PIGN: variants seen among roughly 807,000 people sequenced by gnomAD.
PIGN encodes GPI ethanolamine phosphate transferase 1.
Under a neutral mutation model 125.4 loss-of-function variants are expected in PIGN, and 117 were observed. The observed-to-expected ratio is 0.93, with a 90% CI of 0.80 to 1.09. The LOEUF is 1.09. Ranked by LOEUF, PIGN falls within the 50% of genes least tolerant of loss-of-function variation. The pLI, the probability that PIGN is intolerant of heterozygous loss-of-function variation, is 0.00. For missense variants in PIGN, 1,075 were observed against 1,094.9 expected (o/e 0.98, Z 0.26); for synonymous variants, 392 against 377.8 (o/e 1.04, Z -0.44).
At chr18:62,080,576 A>G (rs772592014) in intron 28 of PIGN, among the ~76,000 whole-genome samples, 29 of 152,198 alleles carry the variant, frequency 1.9e-4, no homozygotes, top group Non-Finnish European at 3.7e-4. Flanking sequence ...ATCGGCTGAC[A>G]TATCTCCTTG....
chr18:62,181,563 T>C (rs9945824), intron 1 of PIGN, among the ~76,000 whole-genome samples: 88,465 of 151,950 alleles, frequency 0.58, 26,567 homozygotes, highest in East Asian at 0.78. Flanking sequence ...GGTGCATGTT[T>C]ACCACATTCA....
rs180998063 is a variant in PIGN at position 62,118,180 on chromosome 18, A to G, written c.1173-3541T>C. ...ATAATAAACTGCAACTTTGCCTCCA[A>G]AGAAAAAGACTATAAGACTGGAATA... On this transcript the variant is annotated intron_variant, in intron 14 of 30. Coordinates refer to ENST00000640252, the MANE Select transcript of PIGN (RefSeq NM_176787.5). Among the ~76,000 whole-genome samples the G allele has an allele frequency of 1.5e-3, 225 of 152,294 alleles. 1 individual carries two copies. The highest frequency in any genetic ancestry group is 5.1e-3 in the African/African-American group (210 of 41,572).
intron 23 of PIGN, 83 bp downstream of exon 23, chr18:62,095,765 A>G (rs1319539951): frequency 2.7e-6 from 2 of 748,934 alleles, no homozygotes; most frequent in African/African-American, 3.6e-5. Context: ...TTTTATTTCC[A>G]GAAGTTAAAT....
chr18:62,138,737 G>A (rs1253692164), intron 13 of PIGN, among the ~76,000 whole-genome samples: 2 of 152,128 alleles, frequency 1.3e-5, no homozygotes, highest in Non-Finnish European at 2.9e-5. Flanking sequence ...TTGACTTGTA[G>A]TCTTTGTAAG....
intron 14 of PIGN, among the ~76,000 whole-genome samples, chr18:62,120,559 T>C (rs1320265003): frequency 6.6e-6 from 1 of 152,080 alleles, no homozygotes; most frequent in East Asian, 1.9e-4. Flanking sequence ...TGTAGCAATA[T>C]ACTTATAATT....
chr18:62,030,810 G>A (rs529895779), intron 23 of PIGN, among the ~76,000 whole-genome samples: 3 of 152,226 alleles, frequency 2.0e-5, no homozygotes, highest in South Asian at 4.1e-4. Context: ...GGATTTCTAA[G>A]TACTAACTTA....
At chr18:62,125,195 C>T (rs7506789) in intron 14 of PIGN, among the ~76,000 whole-genome samples, 2 of 149,108 alleles carry the variant, frequency 1.3e-5, no homozygotes, top group East Asian at 2.0e-4. Flanking sequence ...CACGTTTGTA[C>T]ATATGTGTAT....
chr18:62,184,050 C>T (rs2037811088), intron 1 of PIGN, among the ~76,000 whole-genome samples: 2 of 152,024 alleles, frequency 1.3e-5, no homozygotes, highest in East Asian at 3.8e-4. Flanking sequence ...AAAACAAACA[C>T]ATAACTATTA....
At chr18:62,151,015 T>C (rs2147367846) in intron 7 of PIGN, among the ~76,000 whole-genome samples, 1 of 152,296 alleles carries the variant, frequency 6.6e-6, no homozygotes, top group East Asian at 1.9e-4. Flanking sequence ...TATTGTTTAA[T>C]GGGTACAGAG....
At chr18:62,137,165 C>T (rs183737012) in intron 14 of PIGN, 109 of 398,624 alleles carry the variant, frequency 2.7e-4, no homozygotes, top group African/African-American at 2.1e-3. Context: ...CTGAGTTTTC[C>T]AGCCTCATAT....
chr18:62,045,820 A>G lies in PIGN; in HGVS notation c.*36T>C. 2.5e-6 allele frequency: 4 copies of G among 1,609,346 alleles called. No homozygotes were observed. The highest frequency in any genetic ancestry group is 3.4e-6 in the Non-Finnish European group (4 of 1,176,654). Reference sequence around the variant, plus strand: ...GATGAGATTTTAGCTTAAAAGGAGAATCAGGATCCAGATGCTGAATGGTGC... The same window carrying G: ...GATGAGATTTTAGCTTAAAAGGAGAGTCAGGATCCAGATGCTGAATGGTGC... On this transcript the variant is annotated 3_prime_UTR_variant, in exon 31 of 31. Transcript: ENST00000640252.
chr18:62,171,076 C>A (rs921217190), intron 1 of PIGN, among the ~76,000 whole-genome samples: 2 of 152,190 alleles, frequency 1.3e-5, no homozygotes, highest in African/African-American at 4.8e-5. Context: ...GTTAAATCCA[C>A]AGACCAACTG....
chr18:62,155,206 G>GC (rs2036680788), intron 6 of PIGN, among the ~76,000 whole-genome samples: 4 of 152,250 alleles, frequency 2.6e-5, no homozygotes, highest in African/African-American at 7.2e-5. Flanking sequence ...TCATATATTT[G>GC]CAAGAGTGTA....
chr18:62,018,155 T>C (rs141819769), intron 23 of PIGN, among the ~76,000 whole-genome samples: 3 of 152,278 alleles, frequency 2.0e-5, no homozygotes, highest in African/African-American at 7.2e-5. Flanking sequence ...AGAGGAATCA[T>C]AGCAAACATA....
At chr18:62,184,527 G>A (rs138382903) in intron 1 of PIGN, 1 of 152,184 alleles carries the variant, frequency 6.6e-6, no homozygotes, top group Admixed American at 6.5e-5. Flanking sequence ...ATACTGGGAA[G>A]ACTGGGCAGT....
Position 62,101,204 on chromosome 18 carries a change from G to A in PIGN, c.1969-21C>T, listed in dbSNP as rs760797551. ...AGCACCTAAAGACAAAGATGAAATA[G>A]GTTAAAAAAAGAGAAGGTAGTGAAA... On this transcript the variant is annotated intron_variant, in intron 21 of 30. Coordinates refer to ENST00000640252, the MANE Select transcript of PIGN (RefSeq NM_176787.5). 20 of 1,392,150 alleles carry A rather than the reference G, an allele frequency of 1.4e-5. No individual in the cohort carries two copies. The Admixed American group carries it at 2.1e-4, about 15-fold the overall frequency. The allele number at this position is 1,392,150 out of a possible 1,614,324, so 86.2% of individuals were successfully genotyped here. A position where few individuals can be genotyped will look rare whatever the true frequency, so the allele number is the denominator to read the frequency against.
chr18:62,106,636 AG>A (rs1215882387), intron 19 of PIGN, among the ~76,000 whole-genome samples, 152 bp downstream of exon 19: 2 of 152,238 alleles, frequency 1.3e-5, no homozygotes, highest in African/African-American at 2.4e-5. Flanking sequence ...GAAACCTTAC[AG>A]GTAATGTCAG....
At chr18:62,039,728 C>A (rs372809763), downstream of PIGN, among the ~76,000 whole-genome samples, 8 of 64,856 alleles carry the variant, frequency 1.2e-4, no homozygotes, top group East Asian at 3.6e-4. Context: ...GGGTGCCGCA[C>A]ATCATGTTTA....
At chr18:62,161,741 A>G (rs1160814245) in intron 3 of PIGN, among the ~76,000 whole-genome samples, 1 of 152,242 alleles carries the variant, frequency 6.6e-6, no homozygotes, top group Non-Finnish European at 1.5e-5. Flanking sequence ...CGTTCAGCCA[A>G]GTCAAATCCT....
Sources: allele counts gnomAD v4.1 joint callset (sites outside exome capture counted in the v4.1 genomes callset), GRCh38; gene constraint gnomAD v4.1.1; transcripts MANE v1.5; gene names NCBI Gene and HGNC (gene_info 2026-07-23, HGNC 2026-07-21).